Variants in KCTD21 observed in about 807,000 individuals in gnomAD.
KCTD21 encodes the protein potassium channel tetramerization domain containing 21.
Under a neutral mutation model 13.2 loss-of-function variants are expected in KCTD21, and 9 were observed. The ratio of observed to expected loss-of-function variants is 0.68; its 90% CI spans 0.41 to 1.19. KCTD21 has a LOEUF of 1.19. KCTD21 is among the 50% of genes most tolerant of loss of function. The pLI, the probability that KCTD21 is intolerant of heterozygous loss-of-function variation, is 0.01. For missense variants in KCTD21, 303 were observed against 336.5 expected (o/e 0.90, Z 0.78); for synonymous variants, 142 against 137.4 (o/e 1.03, Z -0.23).
rs1862357628 is a variant in KCTD21, at chr11:78,173,831, G to A, written c.724C>T (p.His242Tyr). ...TTCATAAAATCCAGAGCATGTGGGT[G>A]AGAAGAATCGATGCAGAAGCCATCG... ...LSDGFCIDSSHPHALDFMNNK... is the reference protein window; with the variant it reads ...LSDGFCIDSSYPHALDFMNNK... Residue 242 changes from histidine to tyrosine, a missense_variant, in exon 2 of 2, where the codon CAC (histidine) becomes TAC (tyrosine). Physicochemically the swap from His to Tyr is moderately conservative, Grantham distance 83 (BLOSUM62 2). Coordinates refer to ENST00000340067, the MANE Select transcript of KCTD21 (RefSeq NM_001029859.3). 2 of 1,614,198 alleles carry A rather than the reference G, an allele frequency of 1.2e-6. No homozygotes were observed. Among genetic ancestry groups the A allele is most frequent in the Non-Finnish European group, 1.7e-6 (2 of 1,180,042 alleles).
rs992377287 is a variant in KCTD21 at position 78,171,572 on chromosome 11, C to G, written c.*2200G>C. 2 of 152,500 alleles carry G rather than the reference C, an allele frequency of 1.3e-5. No individual in the cohort carries two copies. Among genetic ancestry groups the G allele is most frequent in the Non-Finnish European group, 2.9e-5 (2 of 68,042 alleles). 9.4% of individuals were successfully genotyped at this position (152,500 alleles called of 1,614,324 possible). On this transcript the variant is annotated 3_prime_UTR_variant, in exon 2 of 2. Transcript: ENST00000340067. ...TTTGTTATGACCACAGCTTCTGCTA[C>G]TTGGTCTAAACTAGGTTCTCCATGA...
intron 1 of KCTD21, among the ~76,000 whole-genome samples, chr11:78,184,007 T>C (rs182421861): frequency 9.2e-4 from 140 of 152,284 alleles, no homozygotes; most frequent in Non-Finnish European, 1.7e-3. Flanking sequence ...AATTACCAAT[T>C]TGCAACCCTC....
chr11:78,181,976 C>G (rs694920), intron 1 of KCTD21, among the ~76,000 whole-genome samples: 24,001 of 152,108 alleles, frequency 0.16, 2,031 homozygotes, highest in African/African-American at 0.2. Flanking sequence ...CATACTGTGG[C>G]TGACAAAACA....
At chr11:78,186,769 T>G in intron 1 of KCTD21, 1 of 985,506 alleles carries the variant, frequency 1.0e-6, no homozygotes, top group Non-Finnish European at 1.2e-6. Flanking sequence ...ACAAATCCCA[T>G]GCATCGGCCA....
chr11:78,188,566 C>G lies in KCTD21; in HGVS notation c.-30+7G>C, dbSNP rs1862890968. On this transcript the variant is annotated splice_region_variant and intron_variant, in intron 1 of 1. Transcript: ENST00000340067. ...GAGCCCCGCGACCCCGGCCGTGCCG[C>G]ACCCACCTCCTGCCCTCGCTCTGCA... The G allele has an allele frequency of 1.0e-6, 1 of 985,662 alleles. No individual in the cohort carries two copies. The highest frequency in any genetic ancestry group is 1.7e-5 in the African/African-American group (1 of 57,260). The allele number at this position is 985,662 out of a possible 1,614,324, so 61.1% of individuals were successfully genotyped here.
intron 1 of KCTD21, among the ~76,000 whole-genome samples, chr11:78,186,372 A>T (rs1337476704): frequency 4.8e-5 from 1 of 20,702 alleles, no homozygotes; most frequent in East Asian, 1.6e-3. Context: ...ACCCTGTCTC[A>T]AAAAAAAAAA....
chr11:78,188,332 T>G (rs576506463), intron 1 of KCTD21: 1 of 982,406 alleles, frequency 1.0e-6, no homozygotes, highest in Non-Finnish European at 1.2e-6. Context: ...CTTTTCCGAC[T>G]ATCACCATCC....
At chr11:78,179,771 C>T (rs1276131224) in intron 1 of KCTD21, among the ~76,000 whole-genome samples, 1 of 152,172 alleles carries the variant, frequency 6.6e-6, no homozygotes, top group African/African-American at 2.4e-5. Flanking sequence ...TGTCCCTAGA[C>T]CACCCCTGTC....
chr11:78,185,492 G>T (rs661811), intron 1 of KCTD21, among the ~76,000 whole-genome samples: 57,780 of 151,908 alleles, frequency 0.38, 11,914 homozygotes, highest in East Asian at 0.62. Context: ...GAATTTTGAA[G>T]GGTGAGGATG....
At chr11:78,176,058 C>T (rs1188075700) in intron 1 of KCTD21, among the ~76,000 whole-genome samples, 1 of 152,192 alleles carries the variant, frequency 6.6e-6, no homozygotes, top group Non-Finnish European at 1.5e-5. Context: ...CTACAAAGGA[C>T]ATGAACTCAT....
intron 1 of KCTD21, among the ~76,000 whole-genome samples, chr11:78,182,308 CT>C (rs1482069400): frequency 4.8e-4 from 56 of 117,336 alleles, no homozygotes; most frequent in East Asian, 2.3e-3. Context: ...CCCCCCCCCC[CT>C]CAAAATTAAT....
chr11:78,180,489 T>C (rs11237416), intron 1 of KCTD21, among the ~76,000 whole-genome samples: 5,866 of 152,246 alleles, frequency 0.039, 360 homozygotes, highest in African/African-American at 0.13. Flanking sequence ...GGTGAAACCC[T>C]ATCTCTACTT....
At chr11:78,184,151 G>A (rs1862706098) in intron 1 of KCTD21, among the ~76,000 whole-genome samples, 1 of 152,108 alleles carries the variant, frequency 6.6e-6, no homozygotes, top group Non-Finnish European at 1.5e-5. Flanking sequence ...TTACCTTTAC[G>A]ATAGAGAGAT....
intron 1 of KCTD21, chr11:78,177,849 C>T (rs537060366): frequency 1.4e-4 from 21 of 152,376 alleles, no homozygotes; most frequent in African/African-American, 4.3e-4. Flanking sequence ...GCATTACAGG[C>T]GGGGGAGGTC....
In KCTD21 at chr11:78,172,898, G is replaced by A. The variant is rs1280801700; in HGVS notation, c.*874C>T. ...TGTGCTGGGGTGTTCTAGGGGTGGGGGAGGACTAAGCAATCATCGAATTAT... is the reference window on the plus strand; with the variant it reads ...TGTGCTGGGGTGTTCTAGGGGTGGGAGAGGACTAAGCAATCATCGAATTAT... On this transcript the variant is annotated 3_prime_UTR_variant, in exon 2 of 2. Coordinates refer to ENST00000340067, the MANE Select transcript of KCTD21 (RefSeq NM_001029859.3). The A allele has an allele frequency of 6.6e-6, 1 of 152,546 alleles. No individual in the cohort carries two copies. The highest frequency in any genetic ancestry group is 1.5e-5 in the Non-Finnish European group (1 of 68,032). The allele number at this position is 152,546 out of a possible 1,614,324, so 9.4% of individuals were successfully genotyped here.
At chr11:78,187,351 T>C (rs1480154903) in intron 1 of KCTD21, 1 of 985,312 alleles carries the variant, frequency 1.0e-6, no homozygotes, top group African/African-American at 1.7e-5. Flanking sequence ...ATCCGAAGGC[T>C]GCTCTATTAC....
chr11:78,185,053 CTA>C (rs1477188402), intron 1 of KCTD21, among the ~76,000 whole-genome samples: 1 of 152,180 alleles, frequency 6.6e-6, no homozygotes, highest in Non-Finnish European at 1.5e-5. Context: ...TTTTGAATAA[CTA>C]TTACATTGGG....
chr11:78,187,265 A>C, intron 1 of KCTD21: 19 of 985,050 alleles, frequency 1.9e-5, no homozygotes, highest in Non-Finnish European at 2.3e-5. Context: ...CCCTTTCTTC[A>C]CCTCCTCTTC....
intron 1 of KCTD21, chr11:78,176,311 C>A (rs571559456): frequency 6.6e-6 from 1 of 152,358 alleles, no homozygotes; most frequent in South Asian, 2.1e-4. Flanking sequence ...CATAACACCC[C>A]AAGCTTCTCT....
Sources: allele counts gnomAD v4.1 joint callset (sites outside exome capture counted in the v4.1 genomes callset), GRCh38; gene constraint gnomAD v4.1.1; transcripts MANE v1.5; gene names NCBI Gene and HGNC (gene_info 2026-07-23, HGNC 2026-07-21).